FBXO45: variants seen among roughly 807,000 people sequenced by gnomAD.
The protein encoded by FBXO45 is F-box protein 45, also known as F-box/SPRY domain-containing protein 1.
A neutral mutation model predicts 25.5 loss-of-function variants in FBXO45; 3 were observed. The ratio of observed to expected loss-of-function variants is 0.12; its 90% CI spans 0.05 to 0.30. The LOEUF (loss-of-function observed/expected upper bound fraction) is 0.30, where lower values mean the gene tolerates loss of function less well. Ranked by LOEUF, FBXO45 falls within the 10% of genes least tolerant of loss-of-function variation. FBXO45 has a pLI of 1.00. For missense variants in FBXO45, 219 were observed against 365.0 expected, an observed-to-expected ratio of 0.60 and a Z score of 3.26; for synonymous variants, 155 against 149.8, an observed-to-expected ratio of 1.03 and a Z score of -0.25.
At chr3:196,582,368 GTGA>G (rs1736027688) in intron 2 of FBXO45, among the ~76,000 whole-genome samples, 1 of 152,278 alleles carries the variant, frequency 6.6e-6, no homozygotes, top group Non-Finnish European at 1.5e-5. Context: ...AGGAGTGGTG[GTGA>G]TGATGATTTG....
chr3:196,579,496 G>T (rs1735973226), intron 2 of FBXO45, among the ~76,000 whole-genome samples: 1 of 152,126 alleles, frequency 6.6e-6, no homozygotes, highest in African/African-American at 2.4e-5. Flanking sequence ...CCTTAAGTCT[G>T]TTTTTCAGAG....
Position 196,569,389 on chromosome 3 carries a change from A to T in FBXO45, c.318+87A>T. 7.5e-7 allele frequency: 1 copy of T among 1,333,650 alleles called. No homozygotes were observed. The highest frequency in any genetic ancestry group is 1.5e-5 in the African/African-American group (1 of 68,240). The allele number at this position is 1,333,650 out of a possible 1,614,324, so 82.6% of individuals were successfully genotyped here. On this transcript the variant is annotated intron_variant, in intron 1 of 2. Transcript: ENST00000311630. This position sits in a 1 kb window ranked among gnomAD's most constrained non-coding sequence, Gnocchi z 4.1. ...TTTCTCATCCGAGCTTCTGAGTCAG[A>T]AGCTTCGCCTCACCAGCCCGCCTTT...
At position 196,586,060 on chromosome 3, in the gene FBXO45, C is replaced by T. The variant is rs1736106066; in HGVS notation, c.*1742C>T. On this transcript the variant is annotated 3_prime_UTR_variant, in exon 3 of 3. Coordinates refer to ENST00000311630, the MANE Select transcript of FBXO45 (RefSeq NM_001105573.2). ...TTTCGATGTCCAGGTTAAGAAGAAACCTCCTTGTATTGAGTGAAATTATAT... is the reference window on the plus strand; with the variant it reads ...TTTCGATGTCCAGGTTAAGAAGAAATCTCCTTGTATTGAGTGAAATTATAT... 6.6e-6 allele frequency: 1 copy of T among 152,086 alleles called. No individual in the cohort carries two copies. Among genetic ancestry groups the T allele is most frequent in the Non-Finnish European group, 1.5e-5 (1 of 68,018 alleles). The allele number at this position is 152,086 out of a possible 1,614,324, so 9.4% of individuals were successfully genotyped here.
intron 2 of FBXO45, 54 bp downstream of exon 2, chr3:196,577,863 T>G (rs1190985299): frequency 8.5e-7 from 1 of 1,181,742 alleles, no homozygotes; most frequent in Non-Finnish European, 1.1e-6. Flanking sequence ...CACGCCTTAA[T>G]TTGTTTTAAA....
chr3:196,577,848 C>CAAA, intron 2 of FBXO45, 39 bp downstream of exon 2: 2 of 1,271,952 alleles, frequency 1.6e-6, no homozygotes, highest in Non-Finnish European at 2.1e-6. Context: ...GGGCCTTTGT[C>CAAA]AAATCACGCC....
Position 196,569,006 on chromosome 3 carries a change from G to T in FBXO45, c.22G>T (p.Ala8Ser). 1 of 998,702 alleles carries T rather than the reference G, an allele frequency of 1.0e-6. No individual in the cohort carries two copies. Among genetic ancestry groups the T allele is most frequent in the Non-Finnish European group, 1.2e-6 (1 of 839,892 alleles). The allele number at this position is 998,702 out of a possible 1,614,324, so 61.9% of individuals were successfully genotyped here. ...GGCGATGGCGGCGCCGGCCCCGGGG[G>T]CTGGGGCAGCCTCGGGCGGCGCTGG... MAAPAPG[A>S]GAASGGAGCS... Residue 8 changes from alanine to serine, a missense_variant, in exon 1 of 3, where the codon GCT becomes TCT. Physicochemically the swap from Ala to Ser is moderately conservative, Grantham distance 99. Around this residue, in one of 4 missense-constraint regions of FBXO45, gnomAD observed 138 missense variants for 157.3 expected, o/e 0.88. Coordinates refer to ENST00000311630, the MANE Select transcript of FBXO45 (RefSeq NM_001105573.2). This position sits in a 1 kb window ranked among gnomAD's most constrained non-coding sequence, Gnocchi z 4.1.
chr3:196,575,803 A>G (rs1160839415), intron 1 of FBXO45, among the ~76,000 whole-genome samples: 2 of 151,504 alleles, frequency 1.3e-5, no homozygotes, highest in Non-Finnish European at 2.9e-5. Flanking sequence ...CAGCCTCCCA[A>G]GTAGCTGGGA....
Position 196,569,329 on chromosome 3 carries a change from GC to G in FBXO45, c.318+32del. The G allele has an allele frequency of 6.8e-7, 1 of 1,481,310 alleles. No individual in the cohort carries two copies. The highest frequency in any genetic ancestry group is 9.1e-7 in the Non-Finnish European group (1 of 1,099,546). The allele number at this position is 1,481,310 out of a possible 1,614,324, so 91.8% of individuals were successfully genotyped here. A position where few individuals can be genotyped will look rare whatever the true frequency, so the allele number is the denominator to read the frequency against. On this transcript the variant is annotated intron_variant, in intron 1 of 2. Coordinates refer to ENST00000311630, the MANE Select transcript of FBXO45 (RefSeq NM_001105573.2). The surrounding 1 kb of genome is among the most constrained non-coding windows in gnomAD (Gnocchi z 4.1). ...TGAGAGAGCCCCGGGCCACACCGCT[GC>G]CCCCAGTCCCGCTCCCCGGCGTCGT... is the stretch of plus-strand genomic sequence containing the variant.
At chr3:196,571,139 G>C (rs1049550842) in intron 1 of FBXO45, among the ~76,000 whole-genome samples, 1 of 152,158 alleles carries the variant, frequency 6.6e-6, no homozygotes, top group Non-Finnish European at 1.5e-5. Flanking sequence ...GTCCTACTTT[G>C]ATAAATGTGT....
chr3:196,583,071 T>C (rs1006129667), intron 2 of FBXO45, among the ~76,000 whole-genome samples: 2 of 152,174 alleles, frequency 1.3e-5, no homozygotes, highest in Non-Finnish European at 2.9e-5. Context: ...TATATATATT[T>C]GAGTATTCTA....
At chr3:196,575,591 T>C (rs1735898969) in intron 1 of FBXO45, among the ~76,000 whole-genome samples, 1 of 151,942 alleles carries the variant, frequency 6.6e-6, no homozygotes, top group Non-Finnish European at 1.5e-5. Context: ...ATTATTGATA[T>C]TATTCTCTTG....
chr3:196,581,310 A>G (rs1003903988), intron 2 of FBXO45, among the ~76,000 whole-genome samples: 2 of 122,990 alleles, frequency 1.6e-5, no homozygotes, highest in African/African-American at 6.3e-5. Flanking sequence ...GGCTCACTGC[A>G]GCCACCGACT....
At chr3:196,579,338 G>T (rs1735971041) in intron 2 of FBXO45, among the ~76,000 whole-genome samples, 1 of 152,172 alleles carries the variant, frequency 6.6e-6, no homozygotes. Flanking sequence ...ATTTTCTGAG[G>T]TATAAAAGCT....
rs1034635494 is a variant in FBXO45, at chr3:196,568,850, T to G, written c.-135T>G. Reference sequence around the variant, plus strand: ...CGCCCCCGGGCAGGGGCGGGAGTGGTGGAGGCGCCGGCGGTTGGCACTGAC... The same window carrying G: ...CGCCCCCGGGCAGGGGCGGGAGTGGGGGAGGCGCCGGCGGTTGGCACTGAC... On this transcript the variant is annotated 5_prime_UTR_variant, in exon 1 of 3. Coordinates refer to ENST00000311630, the MANE Select transcript of FBXO45 (RefSeq NM_001105573.2). 2.4e-5 allele frequency: 14 copies of G among 575,706 alleles called. No homozygotes were observed. The highest frequency in any genetic ancestry group is 1.5e-4 in the South Asian group (2 of 13,494). The allele number at this position is 575,706 out of a possible 1,614,324, so 35.7% of individuals were successfully genotyped here.
rs1185136786 is a variant in FBXO45 at position 196,569,057 on chromosome 3, G to T, written c.73G>T (p.Gly25Cys). 18 of 1,168,522 alleles carry T rather than the reference G, an allele frequency of 1.5e-5. No homozygotes were observed. The highest frequency in any genetic ancestry group is 1.8e-5 in the Non-Finnish European group (17 of 944,054). The allele number at this position is 1,168,522 out of a possible 1,614,324, so 72.4% of individuals were successfully genotyped here. Residue 25 changes from glycine to cysteine, a missense_variant, in exon 1 of 3, where the codon GGC becomes TGC. Gly to Cys is a radical substitution (Grantham distance 159). Transcript: ENST00000311630. The surrounding 1 kb of genome is among the most constrained non-coding windows in gnomAD (Gnocchi z 4.1). ...AGCSGGGAGA[G>C]AGSGSGAAGA... The stretch of plus-strand genomic sequence containing the variant: ...CTGTAGCGGCGGCGGCGCGGGCGCG[G>T]GCGCGGGCTCGGGCTCTGGGGCCGC...
intron 1 of FBXO45, among the ~76,000 whole-genome samples, chr3:196,571,394 TTTTTTATTTTTTAGAGACAC>T (rs1279287353): frequency 6.6e-6 from 1 of 152,082 alleles, no homozygotes; most frequent in African/African-American, 2.4e-5. Context: ...CACTGGCTAA[TTTTTTATTTTTTAGAGACAC>T]GGGGTCTCAC....
At position 196,569,275 on chromosome 3, in the gene FBXO45, G is replaced by C. The variant is rs184175618; in HGVS notation, c.291G>C (p.Leu97=). 2.9e-4 allele frequency: 453 copies of C among 1,576,804 alleles called. 4 individuals are homozygous for C. The African/African-American group carries it at 5.0e-3, about 17-fold the overall frequency. The change falls in exon 1 of 3, where the codon CTG becomes CTC. Residue 97 remains leucine (L), a synonymous_variant. Transcript: ENST00000311630. This position sits in a 1 kb window ranked among gnomAD's most constrained non-coding sequence, Gnocchi z 4.1. ...LAEEALRTDI[L]CNLPSYKAKI... ...AAGAGGCTCTGCGCACGGACATCCT[G>C]TGCAACCTGCCCAGCTACAAGGCCA...
chr3:196,584,427 A>C lies in FBXO45; in HGVS notation c.*109A>C, dbSNP rs920714074. On this transcript the variant is annotated 3_prime_UTR_variant, in exon 3 of 3. Coordinates refer to ENST00000311630, the MANE Select transcript of FBXO45 (RefSeq NM_001105573.2). This position sits in a 1 kb window ranked among gnomAD's most constrained non-coding sequence, Gnocchi z 4.3. The stretch of plus-strand genomic sequence containing the variant: ...CATGTCCAAGAAACATCCTGAAAAC[A>C]CATGAAGTCGTAAACTGGAGAAGCA... 7 of 986,414 alleles carry C rather than the reference A, an allele frequency of 7.1e-6. No individual in the cohort carries two copies. The highest frequency in any genetic ancestry group is 1.0e-5 in the Non-Finnish European group (7 of 689,496). 61.1% of individuals were successfully genotyped at this position (986,414 alleles called of 1,614,324 possible).
rs1019206370 is a variant in FBXO45 at position 196,569,043 on chromosome 3, G to A, written c.59G>A (p.Gly20Asp). Reference sequence around the variant, plus strand: ...TCGGGCGGCGCTGGCTGTAGCGGCGGCGGCGCGGGCGCGGGCGCGGGCTCG... The same window carrying A: ...TCGGGCGGCGCTGGCTGTAGCGGCGACGGCGCGGGCGCGGGCGCGGGCTCG... ...AASGGAGCSG[G>D]GAGAGAGSGS... The change falls in exon 1 of 3, where the codon GGC (glycine) becomes GAC (aspartate). Residue 20 changes from glycine (G) to aspartate (D), a missense_variant. Gly to Asp is a moderately conservative substitution (Grantham distance 94). Coordinates refer to ENST00000311630, the MANE Select transcript of FBXO45 (RefSeq NM_001105573.2). This position sits in a 1 kb window ranked among gnomAD's most constrained non-coding sequence, Gnocchi z 4.1. 13 of 1,087,450 alleles carry A rather than the reference G, an allele frequency of 1.2e-5. No individual in the cohort carries two copies. Among genetic ancestry groups the A allele is most frequent in the Non-Finnish European group, 1.4e-5 (13 of 898,376 alleles). 67.4% of individuals were successfully genotyped at this position (1,087,450 alleles called of 1,614,324 possible).
Sources: gnomAD v4.1 joint callset for allele counts (sites outside exome capture counted in the v4.1 genomes callset) on GRCh38, gnomAD v4.1.1 for gene constraint, gnomAD v4.1.1 regional missense constraint, Gnocchi (gnomAD v3.1) non-coding constraint, MANE v1.5 for transcripts, NCBI Gene and HGNC (gene_info 2026-07-23, HGNC 2026-07-21) for gene names.